The following TSPAN9 variants were observed in gnomAD, a reference collection of about 807,000 sequenced individuals.
The protein encoded by TSPAN9 is tetraspanin 9.
In TSPAN9, 16 loss-of-function variants were observed where a neutral mutation model predicts 31.0. The ratio of observed to expected loss-of-function variants is 0.52; its 90% confidence interval spans 0.35 to 0.78. TSPAN9 has a LOEUF of 0.78. Among genes scored for constraint, TSPAN9 ranks in the 30% least tolerant of loss-of-function variants. The pLI is 0.01. For synonymous variants in TSPAN9, 145 were observed against 121.6 expected (o/e 1.19, Z -1.27); for missense variants, 272 against 312.5 (o/e 0.87, Z 0.98).
chr12:3,281,591 A>AAGGGATGGGGAC, intron 7 of TSPAN9, 143 bp from the exon 8 acceptor site: 2 of 1,121,322 alleles, frequency 1.8e-6, no homozygotes, highest in Non-Finnish European at 2.5e-6. Context: ...AGGCTGCGCC[A>AAGGGATGGGGAC]AGGGATGGGG....
chr12:3,278,537 A>G lies in TSPAN9; in HGVS notation c.180A>G (p.Ile60Met). The G allele has an allele frequency of 1.2e-6, 2 of 1,614,150 alleles. No individual in the cohort carries two copies. The highest frequency in any genetic ancestry group is 1.1e-5 in the South Asian group (1 of 91,080). ...CTGCAGCCAACCTGGTCATTGCCAT[A>G]GGCACCATTGTCATGGTGACGGGCT... is the stretch of plus-strand genomic sequence containing the variant. ...SLSAANLVIAIGTIVMVTGFL... is the reference protein window; with the variant it reads ...SLSAANLVIAMGTIVMVTGFL... The change falls in exon 4 of 9, where the codon ATA (isoleucine) becomes ATG (methionine). Residue 60 changes from isoleucine to methionine, a missense_variant. Coordinates refer to ENST00000011898, the MANE Select transcript of TSPAN9 (RefSeq NM_006675.5).
intron 2 of TSPAN9, among the ~76,000 whole-genome samples, chr12:3,152,733 C>T (rs1242113769): frequency 6.6e-6 from 1 of 152,194 alleles, no homozygotes; most frequent in Middle Eastern, 3.2e-3. Context: ...ACTACAAATG[C>T]CTACCACTAT....
intron 2 of TSPAN9, among the ~76,000 whole-genome samples, chr12:3,113,641 G>A (rs990918809): frequency 6.6e-6 from 1 of 152,106 alleles, no homozygotes; most frequent in African/African-American, 2.4e-5. Flanking sequence ...ATGGTTCTCA[G>A]TCCCCTTCCC....
At chr12:3,248,041 C>T (rs1862173680) in intron 3 of TSPAN9, among the ~76,000 whole-genome samples, 1 of 152,158 alleles carries the variant, frequency 6.6e-6, no homozygotes, top group African/African-American at 2.4e-5. Flanking sequence ...TGCCCCTTTC[C>T]CAGAGATGTG....
chr12:3,162,802 C>T (rs191884213), intron 2 of TSPAN9, among the ~76,000 whole-genome samples: 59 of 152,296 alleles, frequency 3.9e-4, no homozygotes, highest in Admixed American at 3.8e-3. Context: ...GGCTACATGT[C>T]GCCCTTCTCT....
In TSPAN9 at chr12:3,278,547, G is replaced by T. The variant is rs374164895; in HGVS notation, c.190G>T (p.Val64Phe). 6.2e-7 allele frequency: 1 copy of T among 1,614,080 alleles called. No individual in the cohort carries two copies. Among genetic ancestry groups the T allele is most frequent in the African/African-American group, 1.3e-5 (1 of 74,940 alleles). ...CCTGGTCATTGCCATAGGCACCATT[G>T]TCATGGTGACGGGCTTCCTCGGCTG... The part of the protein sequence containing the change: ...ANLVIAIGTI[V>F]MVTGFLGCLG... Residue 64 changes from valine to phenylalanine, a missense_variant, in exon 4 of 9, where the codon GTC (valine) becomes TTC (phenylalanine). Physicochemically the swap from Val to Phe is conservative, Grantham distance 50 (BLOSUM62 -1). Coordinates refer to ENST00000011898, the MANE Select transcript of TSPAN9 (RefSeq NM_006675.5).
At chr12:3,262,253 C>T (rs1862462598) in intron 3 of TSPAN9, among the ~76,000 whole-genome samples, 2 of 152,228 alleles carry the variant, frequency 1.3e-5, no homozygotes. Flanking sequence ...TTTCTTTTGG[C>T]TCCCGTGCCA....
chr12:3,145,399 TC>T (rs1248205659), intron 2 of TSPAN9, among the ~76,000 whole-genome samples: 2 of 152,092 alleles, frequency 1.3e-5, no homozygotes, highest in Non-Finnish European at 2.9e-5. Flanking sequence ...GATGAAGAGC[TC>T]CTCCAGGGCC....
In TSPAN9 at chr12:3,280,535, C is replaced by A; in HGVS notation, c.432+52C>A. ...CCAGGCAGGGAGGAGGGGTGGCGGC[C>A]GGTACTTCTAGCTGCCTTCCCCGGT... On this transcript the variant is annotated intron_variant, in intron 6 of 8. Coordinates refer to ENST00000011898, the MANE Select transcript of TSPAN9 (RefSeq NM_006675.5). This position sits in a 1 kb window ranked among gnomAD's most constrained non-coding sequence, Gnocchi z 4.5. 1 of 1,538,332 alleles carries A rather than the reference C, an allele frequency of 6.5e-7. No homozygotes were observed. Among genetic ancestry groups the A allele is most frequent in the Non-Finnish European group, 8.9e-7 (1 of 1,128,426 alleles).
intron 2 of TSPAN9, among the ~76,000 whole-genome samples, chr12:3,134,205 C>T (rs2098331056): frequency 6.6e-6 from 1 of 152,128 alleles, no homozygotes; most frequent in South Asian, 2.1e-4. Context: ...AAACAGGCAC[C>T]CCACTCCCAG....
At chr12:3,195,521 G>T (rs1006473590) in intron 2 of TSPAN9, among the ~76,000 whole-genome samples, 1 of 152,176 alleles carries the variant, frequency 6.6e-6, no homozygotes, top group Admixed American at 6.5e-5. Context: ...CAGCTTGCCT[G>T]GGTGGCAAGC....
chr12:3,195,992 G>T (rs1188118642), intron 2 of TSPAN9, among the ~76,000 whole-genome samples: 9 of 152,214 alleles, frequency 5.9e-5, no homozygotes, highest in Admixed American at 5.2e-4. Context: ...AGTCGTGAGT[G>T]GGGGTAGAAG....
In TSPAN9 at chr12:3,281,673, C is replaced by A. The variant is rs1432406890; in HGVS notation, c.565-61C>A. ...GTGGAAGGAGAGAGTGAGCTGGGGG[C>A]TGGGCTGCAGGGAGCGCATGCTTGG... On this transcript the variant is annotated intron_variant, in intron 7 of 8. Transcript: ENST00000011898. 8.4e-6 allele frequency: 13 copies of A among 1,547,704 alleles called. No homozygotes were observed. The Admixed American group carries it at 1.9e-4, about 23-fold the overall frequency.
Position 3,192,008 on chromosome 12 carries a change from T to C in TSPAN9, c.-17-9169T>C, listed in dbSNP as rs10744600. ...GAGTAGAGTGAAGCCAGGCAGTGGG[T>C]CCAGGAAGAGCATCCAAGCAGAGGG... On this transcript the variant is annotated intron_variant, in intron 2 of 8. Coordinates refer to ENST00000011898, the MANE Select transcript of TSPAN9 (RefSeq NM_006675.5). This position sits in a 1 kb window ranked among gnomAD's most constrained non-coding sequence, Gnocchi z 4.6. Among the ~76,000 whole-genome samples, 151,267 of 152,266 alleles carry C rather than the reference T, an allele frequency of 0.99. 75,154 individuals carry two copies. The highest frequency in any genetic ancestry group is 1 in the Middle Eastern group (294 of 294).
At chr12:3,105,375 A>G (rs960230068) in intron 2 of TSPAN9, among the ~76,000 whole-genome samples, 1 of 151,612 alleles carries the variant, frequency 6.6e-6, no homozygotes, top group Non-Finnish European at 1.5e-5. Flanking sequence ...CGTCACTTCC[A>G]TAATCCTTAT....
chr12:3,099,037 G>C (rs927278416), intron 2 of TSPAN9, among the ~76,000 whole-genome samples: 15 of 152,180 alleles, frequency 9.9e-5, no homozygotes, highest in Non-Finnish European at 1.8e-4. Flanking sequence ...ACAGGTGTGA[G>C]CCATGGTGCC....
chr12:3,207,780 G>C (rs921988910), intron 3 of TSPAN9, among the ~76,000 whole-genome samples: 4 of 149,108 alleles, frequency 2.7e-5, no homozygotes, highest in East Asian at 2.0e-4. Context: ...AGTGGCTGGT[G>C]GGGGGTGGGT....
chr12:3,270,239 G>A (rs112575197), intron 3 of TSPAN9, among the ~76,000 whole-genome samples: 2,119 of 152,306 alleles, frequency 0.014, 54 homozygotes, highest in African/African-American at 0.049. Context: ...CTTAAGGCCC[G>A]CTGTCAGGTG....
At chr12:3,207,872 G>A (rs2098376167) in intron 3 of TSPAN9, among the ~76,000 whole-genome samples, 1 of 152,228 alleles carries the variant, frequency 6.6e-6, no homozygotes, top group East Asian at 1.9e-4. Context: ...TAGAGTGGAT[G>A]TTCGCATCAG....
Sources: gnomAD v4.1 joint callset for allele counts (sites outside exome capture counted in the v4.1 genomes callset) on GRCh38, gnomAD v4.1.1 for gene constraint, Gnocchi (gnomAD v3.1) non-coding constraint, MANE v1.5 for transcripts, NCBI Gene and HGNC (gene_info 2026-07-23, HGNC 2026-07-21) for gene names.